Variants in SLC60A1 observed in about 807,000 individuals in gnomAD.
The protein encoded by SLC60A1 is solute carrier family 60 member 1, also known as major facilitator superfamily domain containing 4.
the SLC60A1 span, chr1:205,579,861 T>G: frequency 6.2e-7 from 1 of 1,614,118 alleles, no homozygotes; most frequent in Non-Finnish European, 8.5e-7. Context: ...GTCATGGCGC[T>G]GGCGGGCTTG....
At chr1:205,595,626 A>G in the SLC60A1 span, among the ~76,000 whole-genome samples, 3 of 152,238 alleles carry the variant, frequency 2.0e-5, no homozygotes, top group African/African-American at 7.2e-5. Flanking sequence ...TACTGGCTTT[A>G]TGACCTTGTG....
chr1:205,591,374 C>T, the SLC60A1 span, among the ~76,000 whole-genome samples: 1 of 150,268 alleles, frequency 6.7e-6, no homozygotes, highest in South Asian at 2.1e-4. Context: ...CCCAGCTACT[C>T]AGGAGGCTGA....
At chr1:205,591,841 C>G in the SLC60A1 span, among the ~76,000 whole-genome samples, 3 of 152,176 alleles carry the variant, frequency 2.0e-5, no homozygotes, top group Non-Finnish European at 4.4e-5. Flanking sequence ...ACCTTGGGGA[C>G]AGGTAGTCCT....
At chr1:205,593,665 TTTTTG>T in the SLC60A1 span, among the ~76,000 whole-genome samples, 2 of 152,244 alleles carry the variant, frequency 1.3e-5, no homozygotes, top group African/African-American at 2.4e-5. Flanking sequence ...ACCTGCACAC[TTTTTG>T]TTTTGTTTTC....
the SLC60A1 span, among the ~76,000 whole-genome samples, chr1:205,578,496 G>A: frequency 1.3e-5 from 2 of 152,282 alleles, no homozygotes; most frequent in Middle Eastern, 3.4e-3. Flanking sequence ...TGTCATGATC[G>A]GTAATCTCCC....
the SLC60A1 span, among the ~76,000 whole-genome samples, chr1:205,593,441 G>A: frequency 5.3e-5 from 2 of 37,902 alleles, no homozygotes; most frequent in African/African-American, 1.2e-4. Context: ...GCGACAGGGC[G>A]AGACTCTGTC....
At chr1:205,581,024 C>G in the SLC60A1 span, 9 of 1,443,036 alleles carry the variant, frequency 6.2e-6, no homozygotes, top group African/African-American at 1.3e-4. This position sits in a 1 kb window ranked among gnomAD's most constrained non-coding sequence, Gnocchi z 4.2. Flanking sequence ...GAGAAACGTG[C>G]TGGGGCTGAG....
At chr1:205,599,281 G>A in the SLC60A1 span, 2 of 1,611,598 alleles carry the variant, frequency 1.2e-6, no homozygotes, top group Non-Finnish European at 1.7e-6. Context: ...CTACACAAGA[G>A]GAGGAAAACA....
chr1:205,598,194 C>T, the SLC60A1 span: 2 of 233,768 alleles, frequency 8.6e-6, no homozygotes, highest in African/African-American at 4.5e-5. Flanking sequence ...TTTTTCCATC[C>T]CTTCGGAACC....
chr1:205,580,045 C>G, the SLC60A1 span: 1 of 1,321,058 alleles, frequency 7.6e-7, no homozygotes, highest in Non-Finnish European at 1.0e-6. The surrounding 1 kb of genome is among the most constrained non-coding windows in gnomAD (Gnocchi z 5.0). Context: ...CCCCAGGGGC[C>G]CACTTACCAG....
chr1:205,600,469 T>C, the SLC60A1 span: 1 of 1,613,928 alleles, frequency 6.2e-7, no homozygotes, highest in Non-Finnish European at 8.5e-7. Context: ...TAAAACTGGG[T>C]GAAGAAGGCA....
At chr1:205,571,029 G>A in the SLC60A1 span, among the ~76,000 whole-genome samples, 1 of 152,152 alleles carries the variant, frequency 6.6e-6, no homozygotes, top group South Asian at 2.1e-4. Flanking sequence ...TGAACAGGCA[G>A]CAGAGAGAAC....
At chr1:205,583,846 A>G in the SLC60A1 span, 1 of 1,382,914 alleles carries the variant, frequency 7.2e-7, no homozygotes, top group African/African-American at 1.4e-5. Context: ...CACCCTTAGA[A>G]AAGAGCTGTC....
chr1:205,579,870 T>A, the SLC60A1 span: 1 of 1,614,044 alleles, frequency 6.2e-7, no homozygotes, highest in East Asian at 2.2e-5. Flanking sequence ...CTGGCGGGCT[T>A]GGCCATGGGC....
chr1:205,583,458 C>T, the SLC60A1 span, among the ~76,000 whole-genome samples: 1 of 152,198 alleles, frequency 6.6e-6, no homozygotes. Flanking sequence ...GCCCCAAGTC[C>T]ACTGTGTGAC....
the SLC60A1 span, among the ~76,000 whole-genome samples, chr1:205,597,202 T>C: frequency 6.6e-6 from 1 of 152,076 alleles, no homozygotes; most frequent in East Asian, 1.9e-4. Flanking sequence ...CAAGATGGGA[T>C]TTACCCTGAG....
chr1:205,573,183 G>A, the SLC60A1 span, among the ~76,000 whole-genome samples: 1 of 152,138 alleles, frequency 6.6e-6, no homozygotes, highest in Non-Finnish European at 1.5e-5. Context: ...GGCTGAGGCG[G>A]GTAGATCACC....
the SLC60A1 span, among the ~76,000 whole-genome samples, chr1:205,578,878 T>C: frequency 6.6e-6 from 1 of 152,154 alleles, no homozygotes; most frequent in Non-Finnish European, 1.5e-5. Context: ...TCTCTGACAT[T>C]AGACTTTCAG....
the SLC60A1 span, chr1:205,598,943 G>A: frequency 2.1e-4 from 149 of 712,662 alleles, 2 homozygotes; most frequent in African/African-American, 1.7e-3. Flanking sequence ...GCAGGACTTC[G>A]GCCTTCTCCA....
Sources: allele counts gnomAD v4.1 joint callset (sites outside exome capture counted in the v4.1 genomes callset), GRCh38; gene constraint gnomAD v4.1.1; non-coding constraint Gnocchi (gnomAD v3.1); transcripts MANE v1.5; gene names NCBI Gene and HGNC (gene_info 2026-07-23, HGNC 2026-07-21).